Variants in PCDH7 observed in about 807,000 individuals in gnomAD.
The protein encoded by PCDH7 is protocadherin-7.
Under a neutral mutation model 58.9 loss-of-function variants are expected in PCDH7, and 17 were observed. The ratio of observed to expected loss-of-function variants is 0.29; its 90% CI spans 0.20 to 0.43. The LOEUF is 0.43. Ranked by LOEUF, PCDH7 falls within the 20% of genes least tolerant of loss-of-function variation. The probability of loss-of-function intolerance (pLI) is 1.00; values close to 1 mark genes in which losing one functional copy is unlikely to be tolerated. For missense variants in PCDH7, 1,274 were observed against 1,441.0 expected (o/e 0.88, Z 1.88); for synonymous variants, 664 against 616.4 (o/e 1.08, Z -1.14).
At chr4:30,881,511 T>A (rs1289083642) in intron 1 of PCDH7, among the ~76,000 whole-genome samples, 1 of 152,172 alleles carries the variant, frequency 6.6e-6, no homozygotes, top group Non-Finnish European at 1.5e-5. Flanking sequence ...GGAATTCATG[T>A]CATCTCTAGC....
exon 1 of PCDH7, chr4:30,724,047 A>G: frequency 6.2e-7 from 1 of 1,614,114 alleles, no homozygotes; most frequent in Non-Finnish European, 8.5e-7. Context: ...AAATTAGCAA[A>G]CAGAGACTCA....
intron 1 of PCDH7, among the ~76,000 whole-genome samples, chr4:30,753,906 A>T (rs941538782): frequency 1.3e-5 from 2 of 152,214 alleles, no homozygotes; most frequent in African/African-American, 4.8e-5. Flanking sequence ...CAAATAAAGC[A>T]TGAATTAGAT....
intron 1 of PCDH7, among the ~76,000 whole-genome samples, chr4:30,771,485 G>A (rs908073405): frequency 6.6e-6 from 1 of 152,162 alleles, no homozygotes; most frequent in Non-Finnish European, 1.5e-5. Flanking sequence ...AGGCACTCGT[G>A]GGGGCTGGGG....
At chr4:30,950,400 A>T (rs1747234168) in intron 3 of PCDH7, among the ~76,000 whole-genome samples, 1 of 152,138 alleles carries the variant, frequency 6.6e-6, no homozygotes, top group South Asian at 2.1e-4. Flanking sequence ...ACAGTGGTAG[A>T]TTTTTCTCAA....
chr4:31,047,598 A>G (rs1419087808), intron 3 of PCDH7, among the ~76,000 whole-genome samples: 2 of 152,098 alleles, frequency 1.3e-5, no homozygotes, highest in African/African-American at 4.8e-5. Context: ...CAGTAGAGGC[A>G]AAGAGAGAAA....
intron 1 of PCDH7, among the ~76,000 whole-genome samples, chr4:30,801,107 G>T (rs1725471229): frequency 6.6e-6 from 1 of 152,204 alleles, no homozygotes; most frequent in Non-Finnish European, 1.5e-5. Flanking sequence ...AGATCAAGAA[G>T]CATATGGACA....
chr4:30,791,687 C>CAAATATAATTCAA (rs1724139635), intron 1 of PCDH7, among the ~76,000 whole-genome samples: 1 of 152,140 alleles, frequency 6.6e-6, no homozygotes, highest in Non-Finnish European at 1.5e-5. Flanking sequence ...TGCTATAATT[C>CAAATATAATTCAA]AAATATAATT....
intron 3 of PCDH7, among the ~76,000 whole-genome samples, chr4:30,973,747 A>T (rs1749806243): frequency 6.6e-6 from 1 of 152,024 alleles, no homozygotes; most frequent in Non-Finnish European, 1.5e-5. Flanking sequence ...CACTGTATCC[A>T]ATATGTGCTT....
Position 31,088,742 on chromosome 4 carries a change from C to G in PCDH7, c.*8-53731C>G, listed in dbSNP as rs146827145. 4.1e-3 allele frequency among the ~76,000 whole-genome samples: 621 copies of G among 152,046 alleles called. 2 individuals are homozygous for G. Among genetic ancestry groups the G allele is most frequent in the Non-Finnish European group, 7.4e-3 (505 of 67,902 alleles). ...AAAATGTCAAACAAGTGCATCTGCT[C>G]TCTTAGAATTTCTGTATCTATTTCT... On this transcript the variant is annotated intron_variant, in intron 3 of 3. Coordinates refer to the PCDH7 transcript ENST00000509759.
intron 1 of PCDH7, among the ~76,000 whole-genome samples, chr4:30,757,216 A>G (rs1398963616): frequency 6.6e-6 from 1 of 152,212 alleles, no homozygotes; most frequent in African/African-American, 2.4e-5. Context: ...ATCTCCCTGT[A>G]GCTGCACACC....
At chr4:31,113,818 A>C (rs540088217) in intron 3 of PCDH7, among the ~76,000 whole-genome samples, 95 of 150,074 alleles carry the variant, frequency 6.3e-4, no homozygotes, top group Non-Finnish European at 1.3e-3. Context: ...TTGAAATTTA[A>C]AAGTTAACCT....
At chr4:30,823,479 ACT>A (rs1248421383) in intron 1 of PCDH7, among the ~76,000 whole-genome samples, 2 of 151,988 alleles carry the variant, frequency 1.3e-5, no homozygotes, top group African/African-American at 4.8e-5. Flanking sequence ...ACCTGTCCTT[ACT>A]CTGTGCAAAA....
At chr4:30,885,915 C>G (rs1301667437) in intron 1 of PCDH7, among the ~76,000 whole-genome samples, 1 of 152,114 alleles carries the variant, frequency 6.6e-6, no homozygotes, top group Non-Finnish European at 1.5e-5. Context: ...AACTGGCTGG[C>G]CATATGTAGA....
chr4:31,137,570 C>T (rs537782798), intron 3 of PCDH7, among the ~76,000 whole-genome samples: 1 of 152,140 alleles, frequency 6.6e-6, no homozygotes. Context: ...GATGACAGAG[C>T]GAGACCCTTC....
intron 3 of PCDH7, among the ~76,000 whole-genome samples, chr4:31,142,112 T>C (rs1205951210): frequency 6.6e-6 from 1 of 152,212 alleles, no homozygotes; most frequent in Non-Finnish European, 1.5e-5. Context: ...ATAATTTTTC[T>C]TATGGATGTG....
chr4:31,118,436 G>A (rs139883281), intron 3 of PCDH7, among the ~76,000 whole-genome samples: 123 of 152,014 alleles, frequency 8.1e-4, no homozygotes, highest in African/African-American at 2.9e-3. Context: ...CCTCTGCCTA[G>A]CCAAGTCATT....
intron 3 of PCDH7, among the ~76,000 whole-genome samples, chr4:31,064,575 C>T (rs1342620438): frequency 6.6e-6 from 1 of 151,960 alleles, no homozygotes; most frequent in African/African-American, 2.4e-5. Flanking sequence ...TTTCTTGCCT[C>T]TTCCCAGCTT....
At chr4:30,914,666 G>T (rs1463721242) in intron 1 of PCDH7, among the ~76,000 whole-genome samples, 1 of 152,094 alleles carries the variant, frequency 6.6e-6, no homozygotes, top group Non-Finnish European at 1.5e-5. Flanking sequence ...AAAACAATGG[G>T]CCATAACTCT....
intron 3 of PCDH7, among the ~76,000 whole-genome samples, chr4:31,140,784 T>TTA (rs1553860806): frequency 3.3e-5 from 5 of 152,010 alleles, no homozygotes; most frequent in Middle Eastern, 3.4e-3. Flanking sequence ...CAATTTAGGG[T>TTA]AAAAAAATGA....
Sources: allele counts gnomAD v4.1 joint callset (sites outside exome capture counted in the v4.1 genomes callset), GRCh38; gene constraint gnomAD v4.1.1; transcripts MANE v1.5; gene names NCBI Gene and HGNC (gene_info 2026-07-23, HGNC 2026-07-21).